DDHD1: variants seen among roughly 807,000 people sequenced by gnomAD.
DDHD1 encodes the protein phospholipase DDHD1.
In DDHD1, 49 loss-of-function variants were observed where a neutral mutation model predicts 96.4. The ratio of observed to expected loss-of-function variants is 0.51; its 90% confidence interval spans 0.40 to 0.64. The LOEUF is 0.64. Among genes scored for constraint, DDHD1 ranks in the 30% least tolerant of loss-of-function variants. The probability of loss-of-function intolerance (pLI) is 0.00; values close to 1 mark genes in which losing one functional copy is unlikely to be tolerated. For synonymous variants in DDHD1, 442 were observed against 446.5 expected (o/e 0.99, Z 0.13); for missense variants, 1,106 against 1,161.2 (o/e 0.95, Z 0.69).
rs777833926 is a variant in DDHD1, at chr14:53,072,687, A to G, written c.1413T>C (p.Ile471=). 6 of 1,608,496 alleles carry G rather than the reference A, an allele frequency of 3.7e-6. No homozygotes were observed. The highest frequency in any genetic ancestry group is 5.1e-6 in the Non-Finnish European group (6 of 1,176,582). Residue 471 remains isoleucine (I), a synonymous_variant, in exon 6 of 13, where the codon ATT becomes ATC. Transcript: ENST00000673822. ...LTLDGDTVDS[I]TPDKVRGLRD... ...TTAAACCTCGTACTTTGTCAGGAGT[A>G]ATGGAATCAACAGTGTCTACAAAAA... is the stretch of plus-strand genomic sequence containing the variant.
intron 2 of DDHD1, among the ~76,000 whole-genome samples, chr14:53,095,218 C>G (rs990287852): frequency 7.2e-5 from 11 of 152,152 alleles, no homozygotes; most frequent in African/African-American, 2.7e-4. Context: ...CTTCAAATCA[C>G]TATGCTTGAT....
At chr14:53,142,315 T>C (rs1442100387) in intron 1 of DDHD1, among the ~76,000 whole-genome samples, 1 of 152,204 alleles carries the variant, frequency 6.6e-6, no homozygotes, top group African/African-American at 2.4e-5. Flanking sequence ...TACTGTTAGA[T>C]TTTACACTAA....
At chr14:53,142,752 C>T (rs1209616822) in intron 1 of DDHD1, among the ~76,000 whole-genome samples, 1 of 152,206 alleles carries the variant, frequency 6.6e-6, no homozygotes, top group Non-Finnish European at 1.5e-5. Flanking sequence ...CAGGTCCAAG[C>T]CAGGAGAACT....
At chr14:53,137,025 T>G (rs1257951716) in intron 1 of DDHD1, among the ~76,000 whole-genome samples, 1 of 151,656 alleles carries the variant, frequency 6.6e-6, no homozygotes, top group Non-Finnish European at 1.5e-5. Context: ...CATTCCTCAC[T>G]CCCTAGATTC....
intron 4 of DDHD1, among the ~76,000 whole-genome samples, chr14:53,088,293 G>A (rs1886150775): frequency 6.6e-6 from 1 of 152,166 alleles, no homozygotes; most frequent in African/African-American, 2.4e-5. Flanking sequence ...AACAGAAAAA[G>A]AGGGAATCCT....
intron 8 of DDHD1, among the ~76,000 whole-genome samples, chr14:53,058,830 TTAAATC>T (rs1883291590): frequency 6.6e-6 from 1 of 152,224 alleles, no homozygotes; most frequent in African/African-American, 2.4e-5. Flanking sequence ...TTCATTATCT[TTAAATC>T]TAATACAAGT....
intron 1 of DDHD1, among the ~76,000 whole-genome samples, chr14:53,105,138 A>G (rs1887589722): frequency 1.3e-5 from 2 of 152,170 alleles, no homozygotes; most frequent in South Asian, 4.1e-4. Context: ...AATTTTAATT[A>G]AAAACTTCAG....
chr14:53,098,301 T>G (rs533889985), intron 2 of DDHD1, among the ~76,000 whole-genome samples: 2 of 152,168 alleles, frequency 1.3e-5, no homozygotes, highest in Non-Finnish European at 2.9e-5. Context: ...ATGAAAAAGA[T>G]TTAAAATACT....
intron 4 of DDHD1, among the ~76,000 whole-genome samples, chr14:53,088,372 G>C (rs976510828): frequency 2.0e-5 from 3 of 152,116 alleles, no homozygotes; most frequent in Non-Finnish European, 4.4e-5. Flanking sequence ...ACAAAAAAGA[G>C]AGAATTTCAG....
rs371021311 is a variant in DDHD1 at position 53,046,788 on chromosome 14, G to A, written c.2683C>T (p.Pro895Ser). The change falls in exon 13 of 13, where the codon CCC becomes TCC. Residue 895 changes from proline to serine, a missense_variant. Transcript: ENST00000673822. ...YKHEHDDDAK[P>S]NLDPI ...AGAGTTCAGATTGGATCTAAATTGG[G>A]TTTTGCATCATCATCGTGCTCATGT... is the stretch of plus-strand genomic sequence containing the variant. 31 of 1,606,926 alleles carry A rather than the reference G, an allele frequency of 1.9e-5. No individual in the cohort carries two copies. The highest frequency in any genetic ancestry group is 2.4e-5 in the Non-Finnish European group (28 of 1,176,952).
chr14:53,102,058 T>C (rs753956666), intron 2 of DDHD1, among the ~76,000 whole-genome samples: 23 of 151,980 alleles, frequency 1.5e-4, no homozygotes, highest in Non-Finnish European at 2.9e-4. Context: ...ACTGGGTTTG[T>C]GATGGTGAAC....
intron 4 of DDHD1, among the ~76,000 whole-genome samples, chr14:53,078,499 T>C (rs548014523): frequency 6.6e-6 from 1 of 152,326 alleles, no homozygotes; most frequent in East Asian, 1.9e-4. Context: ...TGTTGAGTTG[T>C]AAGAGTACTT....
At chr14:53,064,421 C>T (rs1883849564) in intron 6 of DDHD1, among the ~76,000 whole-genome samples, 1 of 151,824 alleles carries the variant, frequency 6.6e-6, no homozygotes, top group South Asian at 2.1e-4. Context: ...TATAAAATAC[C>T]AGCTTACTCC....
Position 53,103,757 on chromosome 14 carries a change from A to T in DDHD1, c.938T>A (p.Leu313His). The change falls in exon 2 of 13, where the codon CTC becomes CAC. Residue 313 changes from leucine (L) to histidine (H), a missense_variant. Physicochemically the swap from Leu to His is moderately conservative, Grantham distance 99. Around this residue, in one of 2 missense-constraint regions of DDHD1, gnomAD observed 650 missense variants for 758.8 expected, o/e 0.86. Coordinates refer to ENST00000673822, the MANE Select transcript of DDHD1 (RefSeq NM_001160148.2). ...CATCTGCTGGCCCCTAAAACAATTG[A>T]GATGTTCTTGCTCAATTAAATTACT... ...EESNLIEQEH[L>H]NCFRGQQMQE... The T allele has an allele frequency of 6.2e-7, 1 of 1,613,774 alleles. No individual in the cohort carries two copies. Among genetic ancestry groups the T allele is most frequent in the East Asian group, 2.2e-5 (1 of 44,854 alleles).
intron 11 of DDHD1, chr14:53,054,104 C>T (rs918378356): frequency 5.2e-6 from 1 of 193,974 alleles, no homozygotes; most frequent in Non-Finnish European, 1.1e-5. Context: ...ATTTTTGAGA[C>T]TGAGAAGATC....
intron 1 of DDHD1, among the ~76,000 whole-genome samples, chr14:53,136,431 C>T (rs900639849): frequency 1.1e-4 from 17 of 152,170 alleles, no homozygotes; most frequent in African/African-American, 2.4e-4. Context: ...AGTTCAGGAA[C>T]GCCAAGACCT....
At chr14:53,087,582 A>G (rs1345298027) in intron 4 of DDHD1, among the ~76,000 whole-genome samples, 1 of 152,216 alleles carries the variant, frequency 6.6e-6, no homozygotes, top group African/African-American at 2.4e-5. Context: ...AACGAAATGA[A>G]GGCAGAAATA....
At chr14:53,081,378 T>TAAA (rs1307235969) in intron 4 of DDHD1, among the ~76,000 whole-genome samples, 3 of 152,238 alleles carry the variant, frequency 2.0e-5, no homozygotes, top group Non-Finnish European at 2.9e-5. Flanking sequence ...TTTTGATGGC[T>TAAA]GTGTAGTTCT....
intron 4 of DDHD1, among the ~76,000 whole-genome samples, chr14:53,080,478 A>T (rs1885366746): frequency 6.6e-6 from 1 of 152,182 alleles, no homozygotes; most frequent in Admixed American, 6.5e-5. Flanking sequence ...TTATTTTTAG[A>T]ACGATTTTAC....
Sources: allele counts gnomAD v4.1 joint callset (sites outside exome capture counted in the v4.1 genomes callset), GRCh38; gene constraint gnomAD v4.1.1; regional missense constraint gnomAD v4.1.1; transcripts MANE v1.5; gene names NCBI Gene and HGNC (gene_info 2026-07-23, HGNC 2026-07-21).